Variants in BCL9 observed in about 807,000 individuals in gnomAD.
BCL9 encodes the protein B-cell CLL/lymphoma 9 protein.
In BCL9, 25 loss-of-function variants were observed where a neutral mutation model predicts 88.5. The observed-to-expected ratio is 0.28, with a 90% CI of 0.21 to 0.39. BCL9 has a LOEUF of 0.39. Among genes scored for constraint, BCL9 ranks in the 10% least tolerant of loss-of-function variants. BCL9 has a pLI of 1.00. For synonymous variants in BCL9, 711 were observed against 673.3 expected, an observed-to-expected ratio of 1.06 and a Z score of -0.87; for missense variants, 1,817 against 1,877.8, an observed-to-expected ratio of 0.97 and a Z score of 0.60.
intron 1 of BCL9, among the ~76,000 whole-genome samples, chr1:147,600,034 G>A (rs1657283608): frequency 6.7e-6 from 1 of 150,126 alleles, no homozygotes; most frequent in African/African-American, 2.4e-5. Context: ...GGCACCCTCC[G>A]CTCGCGTCCG....
Position 147,620,778 on chromosome 1 carries a change from A to G in BCL9, c.2623A>G (p.Met875Val), listed in dbSNP as rs781949768. Residue 875 changes from methionine (M) to valine (V), a missense_variant, in exon 8 of 10, where the codon ATG becomes GTG. Coordinates refer to ENST00000234739, the MANE Select transcript of BCL9 (RefSeq NM_004326.4). ...CACGATGCACCAAGTCCAGTCACCA[A>G]TGCTGGGCTCGCCCTCGGGGAACCT... ...SPTMHQVQSP[M>V]LGSPSGNLKS... 1.2e-6 allele frequency: 2 copies of G among 1,614,134 alleles called. No individual in the cohort carries two copies. The highest frequency in any genetic ancestry group is 1.7e-6 in the Non-Finnish European group (2 of 1,180,030).
intron 1 of BCL9, among the ~76,000 whole-genome samples, chr1:147,599,532 G>A (rs1318147506): frequency 6.6e-6 from 1 of 152,054 alleles, no homozygotes; most frequent in Non-Finnish European, 1.5e-5. Flanking sequence ...CGAGGCGGCG[G>A]GAAGGTCCGG....
Position 147,618,871 on chromosome 1 carries a change from C to G in BCL9, c.716C>G (p.Pro239Arg), listed in dbSNP as rs201967879. Reference sequence around the variant, plus strand: ...CCGAAACCTCTCCCACAACAGCCCCCAGCTCCGGCCAACCAGGACCAGAAT... The same window carrying G: ...CCGAAACCTCTCCCACAACAGCCCCGAGCTCCGGCCAACCAGGACCAGAAT... The part of the protein sequence containing the change: ...NDPKPLPQQP[P>R]APANQDQNSS... Residue 239 changes from proline (P) to arginine (R), a missense_variant, in exon 8 of 10, where the codon CCA becomes CGA. Physicochemically the swap from Pro to Arg is moderately radical, Grantham distance 103. Around this residue, in one of 2 missense-constraint regions of BCL9, gnomAD observed 1,228 missense variants for 1,191.6 expected, o/e 1.03. Coordinates refer to ENST00000234739, the MANE Select transcript of BCL9 (RefSeq NM_004326.4). The G allele has an allele frequency of 1.9e-6, 3 of 1,605,340 alleles. No homozygotes were observed. Among genetic ancestry groups the G allele is most frequent in the Non-Finnish European group, 2.6e-6 (3 of 1,175,654 alleles).
rs1570914680 is a variant in BCL9, at chr1:147,619,148, T to C, written c.993T>C (p.Pro331=). The change falls in exon 8 of 10, where the codon CCT becomes CCC. Residue 331 remains proline, a synonymous_variant. Coordinates refer to ENST00000234739, the MANE Select transcript of BCL9 (RefSeq NM_004326.4). The surrounding 1 kb of genome is among the most constrained non-coding windows in gnomAD (Gnocchi z 4.1). ...SNSSSADPKA[P]PPPPVSSGEP... ...GCTCTTCAGCAGATCCCAAAGCCCCTCCGCCTCCACCAGTGTCCAGTGGCG... is the reference window on the plus strand; with the variant it reads ...GCTCTTCAGCAGATCCCAAAGCCCCCCCGCCTCCACCAGTGTCCAGTGGCG... 16 of 1,613,210 alleles carry C rather than the reference T, an allele frequency of 9.9e-6. No individual in the cohort carries two copies. Among genetic ancestry groups the C allele is most frequent in the Non-Finnish European group, 1.4e-5 (16 of 1,179,582 alleles).
chr1:147,572,036 G>A (rs1465942372), intron 1 of BCL9, among the ~76,000 whole-genome samples: 3 of 151,778 alleles, frequency 2.0e-5, no homozygotes, highest in African/African-American at 4.8e-5. Context: ...TCAGGAGATC[G>A]AGACCATCCT....
chr1:147,545,621 T>C (rs1654534139), intron 1 of BCL9, among the ~76,000 whole-genome samples: 2 of 152,212 alleles, frequency 1.3e-5, no homozygotes, highest in South Asian at 4.1e-4. Context: ...CTAGTCCTGC[T>C]GAAAGTAAAA....
intron 6 of BCL9, among the ~76,000 whole-genome samples, chr1:147,615,488 T>C (rs956634304): frequency 1.3e-5 from 2 of 152,206 alleles, no homozygotes; most frequent in African/African-American, 2.4e-5. Flanking sequence ...CTTCTTGGGT[T>C]GGGATTTTGA....
chr1:147,599,687 G>C (rs1481968885), intron 1 of BCL9, among the ~76,000 whole-genome samples: 1 of 152,194 alleles, frequency 6.6e-6, no homozygotes, highest in Non-Finnish European at 1.5e-5. Context: ...CCCTCCAGCC[G>C]GGTGACGGTC....
At chr1:147,568,558 C>T (rs587696763) in intron 1 of BCL9, among the ~76,000 whole-genome samples, 2 of 150,494 alleles carry the variant, frequency 1.3e-5, no homozygotes, top group Non-Finnish European at 1.5e-5. Context: ...GATTTCTGTA[C>T]ACCTACCGAG....
chr1:147,621,666 G>T (rs1411286633), intron 8 of BCL9, among the ~76,000 whole-genome samples: 1 of 152,152 alleles, frequency 6.6e-6, no homozygotes, highest in African/African-American at 2.4e-5. Context: ...TAAATACTAG[G>T]TTGGTGCTGT....
chr1:147,579,391 T>C (rs1553198391), intron 1 of BCL9, among the ~76,000 whole-genome samples: 3 of 152,214 alleles, frequency 2.0e-5, no homozygotes, highest in African/African-American at 7.2e-5. Context: ...TGCCTTTCTC[T>C]ACTATATGGA....
At position 147,620,846 on chromosome 1, in the gene BCL9, G is replaced by T. The variant is rs782210853; in HGVS notation, c.2691G>T (p.Ala897=). 1.2e-6 allele frequency: 2 copies of T among 1,614,020 alleles called. No individual in the cohort carries two copies. The highest frequency in any genetic ancestry group is 1.7e-6 in the Non-Finnish European group (2 of 1,180,002). ...CATCGCAGCTGGCAGGCATGCTGGC[G>T]GGCCCAGCTGCTGCTGCTTCCATTA... is the stretch of plus-strand genomic sequence containing the variant. The part of the protein sequence containing the change: ...QTPSQLAGML[A]GPAAAASIKS... The change falls in exon 8 of 10, where the codon GCG becomes GCT. Residue 897 remains alanine (A), a synonymous_variant. Transcript: ENST00000234739.
intron 1 of BCL9, among the ~76,000 whole-genome samples, chr1:147,594,097 A>G (rs2101577205): frequency 6.6e-6 from 1 of 152,344 alleles, no homozygotes; most frequent in South Asian, 2.1e-4. Context: ...TGGGCTCAGC[A>G]GAACCAGTAG....
chr1:147,623,997 G>A lies in BCL9; in HGVS notation c.3319G>A (p.Val1107Ile). 1.2e-6 allele frequency: 2 copies of A among 1,614,178 alleles called. 1 individual carries two copies. The highest frequency in any genetic ancestry group is 2.2e-5 in the South Asian group (2 of 91,084). ...GGGACCCAACATACCTCCTCATGGG[G>A]TCCCAATGGGGCCTGGCTTGATGTC... Reference protein sequence around the residue: ...AVGPNIPPHGVPMGPGLMSHN... With the variant: ...AVGPNIPPHGIPMGPGLMSHN... The change falls in exon 10 of 10, where the codon GTC becomes ATC. Residue 1107 changes from valine (V) to isoleucine (I), a missense_variant. Physicochemically the swap from Val to Ile is conservative, Grantham distance 29 (BLOSUM62 3). Transcript: ENST00000234739.
intron 1 of BCL9, among the ~76,000 whole-genome samples, chr1:147,601,586 T>C (rs1657391109): frequency 9.6e-6 from 1 of 104,144 alleles, no homozygotes; most frequent in Non-Finnish European, 1.8e-5. Flanking sequence ...GTAAGACTCA[T>C]GTGGGTTTAG....
rs782559032 is a variant in BCL9, at chr1:147,620,913, C to G, written c.2758C>G (p.His920Asp). The stretch of plus-strand genomic sequence containing the variant: ...GGGGTCTGCTGCTGCTTCACCTGTC[C>G]ACCTCAAGTCTCCATCACTTCCTGC... ...VLGSAAASPV[H>D]LKSPSLPAPS... The change falls in exon 8 of 10, where the codon CAC becomes GAC. Residue 920 changes from histidine (H) to aspartate (D), a missense_variant. Coordinates refer to ENST00000234739, the MANE Select transcript of BCL9 (RefSeq NM_004326.4). 1 of 1,614,176 alleles carries G rather than the reference C, an allele frequency of 6.2e-7. No individual in the cohort carries two copies. Among genetic ancestry groups the G allele is most frequent in the Non-Finnish European group, 8.5e-7 (1 of 1,180,032 alleles).
chr1:147,546,759 G>A (rs1027423), intron 1 of BCL9, among the ~76,000 whole-genome samples: 1 of 152,264 alleles, frequency 6.6e-6, no homozygotes, highest in East Asian at 1.9e-4. Context: ...ATCTATCATA[G>A]CGACTATGTT....
At chr1:147,595,529 G>A (rs10465881) in intron 1 of BCL9, among the ~76,000 whole-genome samples, 27,119 of 152,070 alleles carry the variant, frequency 0.18, 3,262 homozygotes, top group East Asian at 0.36. Flanking sequence ...AGAAACATCC[G>A]GAATTATTGT....
intron 1 of BCL9, among the ~76,000 whole-genome samples, chr1:147,604,026 T>C (rs1657528493): frequency 6.6e-6 from 1 of 152,226 alleles, no homozygotes. Context: ...GAGACTGTAA[T>C]TTTTGAAGTA....
Sources: gnomAD v4.1 joint callset for allele counts (sites outside exome capture counted in the v4.1 genomes callset) on GRCh38, gnomAD v4.1.1 for gene constraint, gnomAD v4.1.1 regional missense constraint, Gnocchi (gnomAD v3.1) non-coding constraint, MANE v1.5 for transcripts, NCBI Gene and HGNC (gene_info 2026-07-23, HGNC 2026-07-21) for gene names.